Variants in CALN1 observed in about 807,000 individuals in gnomAD.
CALN1 encodes calcium-binding protein 8.
In CALN1, 17 loss-of-function variants were observed where a neutral mutation model predicts 30.6. The observed-to-expected ratio is 0.56, with a 90% confidence interval of 0.38 to 0.83. CALN1 has a LOEUF of 0.83. Ranked by LOEUF, CALN1 falls within the 40% of genes least tolerant of loss-of-function variation. The pLI is 0.00. For synonymous variants in CALN1, 156 were observed against 131.4 expected, an observed-to-expected ratio of 1.19 and a Z score of -1.28; for missense variants, 291 against 354.9, an observed-to-expected ratio of 0.82 and a Z score of 1.45.
chr7:71,905,817 T>C (rs931826755), intron 5 of CALN1, among the ~76,000 whole-genome samples: 1 of 152,152 alleles, frequency 6.6e-6, no homozygotes, highest in African/African-American at 2.4e-5. Context: ...GCCATAAAGA[T>C]ACTACCCAAG....
intron 2 of CALN1, among the ~76,000 whole-genome samples, chr7:72,333,250 T>G (rs1441000201): frequency 6.6e-6 from 1 of 152,248 alleles, no homozygotes; most frequent in Non-Finnish European, 1.5e-5. Flanking sequence ...TGTTCAACCC[T>G]AACACATGGT....
chr7:72,258,457 C>T (rs1372798537), intron 3 of CALN1, among the ~76,000 whole-genome samples: 1 of 152,192 alleles, frequency 6.6e-6, no homozygotes, highest in Non-Finnish European at 1.5e-5. Flanking sequence ...AAGAGAAGAA[C>T]TCCATCAATC....
In CALN1 at chr7:72,302,533, T is replaced by C. The variant is rs187390649; in HGVS notation, c.120-23723A>G. Among the ~76,000 whole-genome samples the C allele has an allele frequency of 3.8e-4, 58 of 152,178 alleles. 1 individual carries two copies. In the East Asian group the frequency reaches 7.5e-3, roughly 20 times the overall value. On this transcript the variant is annotated intron_variant, in intron 2 of 6. Coordinates refer to ENST00000395275, the MANE Select transcript of CALN1 (RefSeq NM_031468.4). Reference sequence around the variant, plus strand: ...TGGGCGTGGTGGCTCAGGCCCATCATCCCAGTACTTTCGGAGGTGCAGGCA... The same window carrying C: ...TGGGCGTGGTGGCTCAGGCCCATCACCCCAGTACTTTCGGAGGTGCAGGCA...
chr7:72,335,650 A>T (rs1801970515), intron 2 of CALN1, among the ~76,000 whole-genome samples: 1 of 152,194 alleles, frequency 6.6e-6, no homozygotes, highest in Non-Finnish European at 1.5e-5. Flanking sequence ...GCACTCAGGG[A>T]ACTGCAGGCA....
intron 5 of CALN1, among the ~76,000 whole-genome samples, chr7:71,982,951 G>A (rs1798475991): frequency 6.6e-6 from 1 of 152,190 alleles, no homozygotes; most frequent in African/African-American, 2.4e-5. Flanking sequence ...CACGTGTGCA[G>A]TAAGGAGCAG....
At chr7:71,840,157 A>G (rs1789849535) in intron 5 of CALN1, among the ~76,000 whole-genome samples, 1 of 152,158 alleles carries the variant, frequency 6.6e-6, no homozygotes, top group Non-Finnish European at 1.5e-5. Flanking sequence ...ACTTGTTGCA[A>G]AAGTGTTCTA....
intron 1 of CALN1, among the ~76,000 whole-genome samples, chr7:72,408,270 TA>T (rs34402288): frequency 0.13 from 16,826 of 129,298 alleles, 1,620 homozygotes; most frequent in African/African-American, 0.28. Context: ...CCATCTCTAT[TA>T]AAAAAAAAAA....
intron 2 of CALN1, among the ~76,000 whole-genome samples, chr7:72,395,618 A>G (rs1449468657): frequency 1.3e-5 from 2 of 152,184 alleles, no homozygotes; most frequent in Non-Finnish European, 2.9e-5. Context: ...AAGAATCACA[A>G]AGGAAGTCAA....
chr7:71,864,247 A>G (rs147184778), intron 5 of CALN1, among the ~76,000 whole-genome samples: 225 of 152,352 alleles, frequency 1.5e-3, no homozygotes, highest in Middle Eastern at 6.8e-3. Context: ...TATCACTCCC[A>G]TGATTAGCTT....
At chr7:72,049,760 G>A (rs1001622474) in intron 4 of CALN1, among the ~76,000 whole-genome samples, 2 of 151,104 alleles carry the variant, frequency 1.3e-5, no homozygotes, top group African/African-American at 2.4e-5. Flanking sequence ...CACCTGCCTC[G>A]GTCTGCCAAA....
chr7:72,445,752 G>A (rs998651287), intron 1 of CALN1, among the ~76,000 whole-genome samples: 4 of 152,086 alleles, frequency 2.6e-5, no homozygotes, highest in Admixed American at 6.5e-5. Flanking sequence ...GCTGACTTCC[G>A]GGACATTCAT....
At chr7:72,351,328 C>A (rs899852970) in intron 2 of CALN1, among the ~76,000 whole-genome samples, 1 of 152,038 alleles carries the variant, frequency 6.6e-6, no homozygotes, top group Non-Finnish European at 1.5e-5. Context: ...CCTAGCAAGA[C>A]CCTGTCTCTA....
chr7:71,927,960 C>T (rs1795352353), intron 5 of CALN1, among the ~76,000 whole-genome samples: 1 of 152,184 alleles, frequency 6.6e-6, no homozygotes, highest in South Asian at 2.1e-4. Context: ...TTTCTTTCTG[C>T]TTCCTTGCTG....
At chr7:71,810,192 T>C (rs1407034300) in intron 6 of CALN1, 144 bp downstream of exon 6, 2 of 789,228 alleles carry the variant, frequency 2.5e-6, no homozygotes, top group African/African-American at 1.7e-5. Context: ...GCAAAAAAGA[T>C]CTTTAACCTC....
Position 72,190,952 on chromosome 7 carries a change from T to C in CALN1, c.245-84658A>G, listed in dbSNP as rs558640870. ...CATTTCCTTCATAGCTATTGTCAAA[T>C]ACACATTCCCATTTCTAATTCTGTT... is the stretch of plus-strand genomic sequence containing the variant. On this transcript the variant is annotated intron_variant, in intron 3 of 6. Transcript: ENST00000395275. Among the ~76,000 whole-genome samples the C allele has an allele frequency of 2.6e-4, 40 of 152,330 alleles. 1 individual carries two copies. The South Asian group carries it at 8.3e-3, about 32-fold the overall frequency.
intron 3 of CALN1, among the ~76,000 whole-genome samples, chr7:72,216,663 C>T (rs1244465168): frequency 1.3e-5 from 2 of 152,198 alleles, no homozygotes; most frequent in Middle Eastern, 3.4e-3. Context: ...GTTATTGAAC[C>T]AGATACACCT....
chr7:72,503,782 G>A, the CALN1 span, among the ~76,000 whole-genome samples: 1 of 151,960 alleles, frequency 6.6e-6, no homozygotes, highest in South Asian at 2.1e-4. Context: ...ATACATCCTT[G>A]CAGCCTCTGT....
chr7:71,989,740 G>A (rs1366310492), intron 5 of CALN1, among the ~76,000 whole-genome samples: 1 of 151,896 alleles, frequency 6.6e-6, no homozygotes, highest in Non-Finnish European at 1.5e-5. Flanking sequence ...ACATTATCCT[G>A]ATTAGAGGAG....
At chr7:72,243,301 T>G (rs1794962384) in intron 3 of CALN1, among the ~76,000 whole-genome samples, 1 of 152,224 alleles carries the variant, frequency 6.6e-6, no homozygotes, top group Non-Finnish European at 1.5e-5. Context: ...CTGCCGTCTT[T>G]AATCTAGACT....
Sources: gnomAD v4.1 joint callset for allele counts (sites outside exome capture counted in the v4.1 genomes callset) on GRCh38, gnomAD v4.1.1 for gene constraint, MANE v1.5 for transcripts, NCBI Gene and HGNC (gene_info 2026-07-23, HGNC 2026-07-21) for gene names.